Variants in GALNT5 observed in about 807,000 individuals in gnomAD.
The protein encoded by GALNT5 is UDP-GalNAc:polypeptide N-acetylgalactosaminyltransferase 5.
GALNT5 carries 72 observed loss-of-function variants against 85.4 expected under a neutral mutation model. The observed-to-expected ratio is 0.84, with a 90% CI of 0.70 to 1.03. The LOEUF is 1.03. GALNT5 is among the 50% of genes least tolerant of loss of function. The pLI, the probability that GALNT5 is intolerant of heterozygous loss-of-function variation, is 0.00. For synonymous variants in GALNT5, 404 were observed against 397.0 expected (o/e 1.02, Z -0.21); for missense variants, 1,137 against 1,135.5 (o/e 1.00, Z -0.02).
rs886477725 is a variant in GALNT5, at chr2:157,284,332, T to C, written c.1505T>C (p.Met502Thr). ...AACCTCCCAACCACCAGTGTCATCA[T>C]GTGCTTTGTGGATGAAGTGTGGTCC... ...HNNLPTTSVI[M>T]CFVDEVWSTL... Residue 502 changes from methionine (M) to threonine (T), a missense_variant, in exon 2 of 10, where the codon ATG becomes ACG. By Grantham distance (81) the Met-to-Thr change is moderately conservative. Coordinates refer to ENST00000259056, the MANE Select transcript of GALNT5 (RefSeq NM_014568.3). 4.3e-6 allele frequency: 7 copies of C among 1,614,072 alleles called. No individual in the cohort carries two copies. Among genetic ancestry groups the C allele is most frequent in the Non-Finnish European group, 5.9e-6 (7 of 1,179,902 alleles).
chr2:157,259,622 G>C, intron 1 of GALNT5, 86 bp downstream of exon 1: 2 of 1,008,906 alleles, frequency 2.0e-6, no homozygotes, highest in African/African-American at 3.3e-5. Context: ...AATTCTGTGT[G>C]ATTTTTGGTC....
At chr2:157,290,112 T>TATATATATATATATACACACACACAC (rs1416458086) in intron 3 of GALNT5, among the ~76,000 whole-genome samples, 2 of 138,260 alleles carry the variant, frequency 1.4e-5, no homozygotes, top group African/African-American at 6.1e-5. Flanking sequence ...TATATATATA[T>TATATATATATATATACACACACACAC]ACATACACAA....
At chr2:157,287,989 C>T (rs1490584142) in intron 3 of GALNT5, among the ~76,000 whole-genome samples, 1 of 152,218 alleles carries the variant, frequency 6.6e-6, no homozygotes, top group African/African-American at 2.4e-5. Context: ...GCTCCCCCAT[C>T]TAGCCAGTGG....
Position 157,258,701 on chromosome 2 carries a change from A to G in GALNT5, c.619A>G (p.Thr207Ala), listed in dbSNP as rs762134790. 3.1e-6 allele frequency: 5 copies of G among 1,613,886 alleles called. No individual in the cohort carries two copies. The African/African-American group carries it at 6.7e-5, about 22-fold the overall frequency. Reference sequence around the variant, plus strand: ...GAAGAGTCATAGTCCCAGCAGTGACACATCAAAACTAGCAGCTGAAAGGGA... The same window carrying G: ...GAAGAGTCATAGTCCCAGCAGTGACGCATCAAAACTAGCAGCTGAAAGGGA... ...PRKSHSPSSDTSKLAAERDLN... is the reference protein window; with the variant it reads ...PRKSHSPSSDASKLAAERDLN... Residue 207 changes from threonine (T) to alanine (A), a missense_variant, in exon 1 of 10, where the codon ACA becomes GCA. By Grantham distance (58) the Thr-to-Ala change is moderately conservative (BLOSUM62 0). Coordinates refer to ENST00000259056, the MANE Select transcript of GALNT5 (RefSeq NM_014568.3).
intron 8 of GALNT5, among the ~76,000 whole-genome samples, chr2:157,306,567 A>G (rs191388034): frequency 1.3e-5 from 2 of 152,332 alleles, no homozygotes; most frequent in African/African-American, 4.8e-5. Flanking sequence ...GTTTGTGGAA[A>G]CAGTTATTGG....
intron 7 of GALNT5, among the ~76,000 whole-genome samples, chr2:157,305,438 A>G (rs944842480): frequency 2.0e-5 from 3 of 152,158 alleles, no homozygotes; most frequent in Non-Finnish European, 4.4e-5. Context: ...ACAAGAAAAT[A>G]ATTACTTTTC....
chr2:157,278,360 T>A (rs574590033), intron 1 of GALNT5, among the ~76,000 whole-genome samples: 1 of 151,972 alleles, frequency 6.6e-6, no homozygotes, highest in African/African-American at 2.4e-5. Flanking sequence ...TGAATTTGAA[T>A]GTTGGCTAGG....
chr2:157,284,296 T>C lies in GALNT5; in HGVS notation c.1469T>C (p.Leu490Pro), dbSNP rs181245010. The C allele has an allele frequency of 2.2e-5, 35 of 1,613,862 alleles. 1 individual carries two copies. The East Asian group carries it at 7.1e-4, about 33-fold the overall frequency. The change falls in exon 2 of 10, where the codon CTA (leucine) becomes CCA (proline). Residue 490 changes from leucine (L) to proline (P), a missense_variant. By Grantham distance (98) the Leu-to-Pro change is moderately conservative (BLOSUM62 -3). Transcript: ENST00000259056. ...DTRPAGCAEQLVHNNLPTTSV... is the reference protein window; with the variant it reads ...DTRPAGCAEQPVHNNLPTTSV... ...TTCTGGCCCAGATGTGCAGAGCAGC[T>C]AGTTCACAATAACCTCCCAACCACC...
intron 1 of GALNT5, among the ~76,000 whole-genome samples, chr2:157,268,246 C>T (rs1682503268): frequency 6.6e-6 from 1 of 151,970 alleles, no homozygotes; most frequent in South Asian, 2.1e-4. Context: ...GATTTAAAAC[C>T]TTCTCTATTT....
chr2:157,303,811 G>C (rs1466463752), intron 7 of GALNT5, among the ~76,000 whole-genome samples: 8 of 152,184 alleles, frequency 5.3e-5, no homozygotes, highest in African/African-American at 1.7e-4. Flanking sequence ...GTTCTTGGAA[G>C]GATTATACAA....
chr2:157,283,567 A>T (rs145510777), intron 1 of GALNT5, among the ~76,000 whole-genome samples: 2 of 152,318 alleles, frequency 1.3e-5, no homozygotes, highest in East Asian at 1.9e-4. Context: ...GGAAGCTAAA[A>T]AGAGTTTAAT....
intron 3 of GALNT5, among the ~76,000 whole-genome samples, chr2:157,288,080 T>C (rs1683016750): frequency 6.6e-6 from 1 of 152,182 alleles, no homozygotes; most frequent in Non-Finnish European, 1.5e-5. Context: ...TCTAGACATT[T>C]AGCCACCACT....
At chr2:157,267,200 A>G (rs948881290) in intron 1 of GALNT5, among the ~76,000 whole-genome samples, 2 of 152,316 alleles carry the variant, frequency 1.3e-5, no homozygotes, top group African/African-American at 4.8e-5. Flanking sequence ...GAAAGCAGTA[A>G]AAAGGATGAT....
At chr2:157,265,368 G>T (rs2105147590) in intron 1 of GALNT5, among the ~76,000 whole-genome samples, 1 of 152,278 alleles carries the variant, frequency 6.6e-6, no homozygotes, top group Non-Finnish European at 1.5e-5. Flanking sequence ...AAGATTAGAG[G>T]AGAAGAATGG....
rs75964997 is a variant in GALNT5 at position 157,317,286 on chromosome 2, T to C, written c.*5938T>C. ...AAGAAAATAAAATGTTTTTAGATAT[T>C]TTTAACTCTTTCAGGTGTATAGCTT... On this transcript the variant is annotated 3_prime_UTR_variant, in exon 10 of 10. Transcript: ENST00000259056. 0.012 allele frequency among the ~76,000 whole-genome samples: 1,822 copies of C among 151,692 alleles called. 28 individuals carry two copies. The highest frequency in any genetic ancestry group is 0.041 in the African/African-American group (1,687 of 41,414).
intron 1 of GALNT5, among the ~76,000 whole-genome samples, chr2:157,263,368 A>G (rs1427114513): frequency 6.6e-6 from 1 of 152,044 alleles, no homozygotes; most frequent in Non-Finnish European, 1.5e-5. Context: ...GCCTCCCTCC[A>G]TCCTCACCAT....
chr2:157,293,520 G>T (rs910452713), intron 3 of GALNT5, among the ~76,000 whole-genome samples: 1 of 152,128 alleles, frequency 6.6e-6, no homozygotes, highest in Non-Finnish European at 1.5e-5. Flanking sequence ...CCATGCAGGG[G>T]ACAATACCCT....
In GALNT5 at chr2:157,258,001, G is replaced by A. The variant is rs1682224599; in HGVS notation, c.-82G>A. 2.7e-6 allele frequency: 4 copies of A among 1,481,530 alleles called. No homozygotes were observed. The East Asian group carries it at 9.0e-5, about 33-fold the overall frequency. 91.8% of individuals were successfully genotyped at this position (1,481,530 alleles called of 1,614,324 possible). On this transcript the variant is annotated 5_prime_UTR_variant, in exon 1 of 10. Coordinates refer to ENST00000259056, the MANE Select transcript of GALNT5 (RefSeq NM_014568.3). ...TTCTGGCAACTCTGCTGCTGCTGCT[G>A]CTGCTGCTGCTACTTCAGCTTCCTC...
chr2:157,266,262 A>G (rs1362904521), intron 1 of GALNT5, among the ~76,000 whole-genome samples: 2 of 151,762 alleles, frequency 1.3e-5, no homozygotes, highest in African/African-American at 2.4e-5. Flanking sequence ...ATGAGGGGGG[A>G]AAAAAGAGCA....
Sources: gnomAD v4.1 joint callset for allele counts (sites outside exome capture counted in the v4.1 genomes callset) on GRCh38, gnomAD v4.1.1 for gene constraint, MANE v1.5 for transcripts, NCBI Gene and HGNC (gene_info 2026-07-23, HGNC 2026-07-21) for gene names.